Variants in MAST2 observed in about 807,000 individuals in gnomAD.
The protein encoded by MAST2 is microtubule associated serine/threonine kinase 2.
A neutral mutation model predicts 147.4 loss-of-function variants in MAST2; 70 were observed. That is an observed-to-expected ratio of 0.47 (90% CI 0.39 to 0.58). The LOEUF (loss-of-function observed/expected upper bound fraction) is 0.58, where lower values mean the gene tolerates loss of function less well. Among genes scored for constraint, MAST2 ranks in the 20% least tolerant of loss-of-function variants. The pLI, the probability that MAST2 is intolerant of heterozygous loss-of-function variation, is 0.00. For synonymous variants in MAST2, 869 were observed against 896.8 expected (o/e 0.97, Z 0.55); for missense variants, 2,080 against 2,302.3 (o/e 0.90, Z 1.98).
intron 15 of MAST2, chr1:46,024,214 T>TTTTTTAATG: frequency 1.9e-6 from 1 of 515,150 alleles, no homozygotes. Flanking sequence ...GGCCAGCAGC[T>TTTTTTAATG]ATAGAATCTT....
intron 5 of MAST2, among the ~76,000 whole-genome samples, chr1:45,960,633 C>T (rs757211793): frequency 1.1e-4 from 16 of 152,208 alleles, no homozygotes; most frequent in Non-Finnish European, 1.6e-4. Context: ...AAGGTATATT[C>T]TTGTATCCCA....
chr1:45,960,158 T>C (rs1042490565), intron 5 of MAST2, among the ~76,000 whole-genome samples: 5 of 152,142 alleles, frequency 3.3e-5, no homozygotes, highest in African/African-American at 4.8e-5. Context: ...AGCCCTGGAA[T>C]ATGGGCTCTT....
chr1:45,893,300 A>G (rs1363286134), intron 4 of MAST2, among the ~76,000 whole-genome samples: 3 of 152,152 alleles, frequency 2.0e-5, no homozygotes, highest in Non-Finnish European at 2.9e-5. Context: ...TCCTGGGCTC[A>G]AGCGATCCTC....
intron 4 of MAST2, among the ~76,000 whole-genome samples, chr1:45,908,591 T>C (rs1028987120): frequency 1.2e-4 from 18 of 152,268 alleles, no homozygotes; most frequent in African/African-American, 4.1e-4. Flanking sequence ...GAAGATTTTA[T>C]ATTTTATTGT....
chr1:45,995,423 C>T (rs1304150333), intron 5 of MAST2, among the ~76,000 whole-genome samples: 3 of 148,254 alleles, frequency 2.0e-5, no homozygotes, highest in South Asian at 2.2e-4. Flanking sequence ...GGGACTGCAA[C>T]GTCCCATCTA....
chr1:45,888,160 A>C (rs781135561), intron 4 of MAST2, among the ~76,000 whole-genome samples: 2 of 152,222 alleles, frequency 1.3e-5, no homozygotes, highest in South Asian at 4.1e-4. Flanking sequence ...AATATTTCAG[A>C]GACATCTGAA....
intron 4 of MAST2, among the ~76,000 whole-genome samples, chr1:45,952,989 AAAGT>A (rs1238537532): frequency 6.6e-6 from 1 of 152,200 alleles, no homozygotes; most frequent in East Asian, 1.9e-4. Flanking sequence ...TGGCAATGTA[AAAGT>A]AAGATAGACC....
intron 4 of MAST2, among the ~76,000 whole-genome samples, chr1:45,915,005 A>G (rs2148600135): frequency 6.6e-6 from 1 of 152,324 alleles, no homozygotes. Context: ...CAGTGGTGCT[A>G]TCACAGCTCA....
At chr1:45,917,455 C>T (rs1344074514) in intron 4 of MAST2, 3 of 1,366,496 alleles carry the variant, frequency 2.2e-6, no homozygotes, top group Non-Finnish European at 2.9e-6. Flanking sequence ...TTGGCTACTT[C>T]TCCTCTTGCC....
At chr1:45,940,244 C>T (rs557741811) in intron 4 of MAST2, among the ~76,000 whole-genome samples, 14 of 152,080 alleles carry the variant, frequency 9.2e-5, no homozygotes, top group Admixed American at 3.9e-4. Flanking sequence ...CCACCCGCCT[C>T]GGCCTCCCAA....
chr1:45,952,610 G>A (rs1189832048), intron 4 of MAST2, among the ~76,000 whole-genome samples: 1 of 152,158 alleles, frequency 6.6e-6, no homozygotes, highest in African/African-American at 2.4e-5. Flanking sequence ...CAAAGGAACA[G>A]CACTTATGCT....
chr1:45,946,382 G>A (rs555347636), intron 4 of MAST2, among the ~76,000 whole-genome samples: 5 of 152,222 alleles, frequency 3.3e-5, no homozygotes, highest in African/African-American at 4.8e-5. Context: ...TTGCTACTAC[G>A]TCACATAAAT....
intron 4 of MAST2, among the ~76,000 whole-genome samples, chr1:45,932,394 A>G (rs1655455391): frequency 6.6e-6 from 1 of 152,086 alleles, no homozygotes; most frequent in African/African-American, 2.4e-5. Context: ...AATTCAGTGG[A>G]CTTTTGACTG....
intron 1 of MAST2, among the ~76,000 whole-genome samples, chr1:45,808,794 C>A (rs1209434698): frequency 6.6e-6 from 1 of 151,934 alleles, no homozygotes; most frequent in Non-Finnish European, 1.5e-5. Flanking sequence ...GTTAAATGTT[C>A]ATTTCATTTC....
chr1:45,874,015 T>G (rs1646501335), intron 3 of MAST2, among the ~76,000 whole-genome samples: 1 of 151,978 alleles, frequency 6.6e-6, no homozygotes, highest in Non-Finnish European at 1.5e-5. Context: ...GAGATGGGGT[T>G]TCACCATGTT....
chr1:45,996,741 A>C (rs1267243916), intron 5 of MAST2, among the ~76,000 whole-genome samples: 1 of 152,200 alleles, frequency 6.6e-6, no homozygotes, highest in African/African-American at 2.4e-5. Flanking sequence ...AAAGACGTTA[A>C]GTGCTATATA....
chr1:45,867,086 C>A (rs927430247), intron 3 of MAST2, among the ~76,000 whole-genome samples: 12 of 152,154 alleles, frequency 7.9e-5, no homozygotes, highest in African/African-American at 2.7e-4. Context: ...CTTTAAGGTT[C>A]ATTCTCCAGA....
chr1:45,858,493 T>A (rs61783217), intron 3 of MAST2, among the ~76,000 whole-genome samples: 3 of 151,100 alleles, frequency 2.0e-5, no homozygotes, highest in East Asian at 1.9e-4. Context: ...GTTTGAGTTC[T>A]TTGTAGATTC....
At chr1:46,030,506 A>G in intron 21 of MAST2, 101 bp from the exon 22 acceptor site, 1 of 1,382,268 alleles carries the variant, frequency 7.2e-7, no homozygotes, top group Non-Finnish European at 9.7e-7. Flanking sequence ...GATGGAACCG[A>G]CTGGTTCAAA....
Sources: allele counts gnomAD v4.1 joint callset (sites outside exome capture counted in the v4.1 genomes callset), GRCh38; gene constraint gnomAD v4.1.1; transcripts MANE v1.5; gene names NCBI Gene and HGNC (gene_info 2026-07-23, HGNC 2026-07-21).